Variants in FYN observed in about 807,000 individuals in gnomAD.
FYN encodes FYN proto-oncogene, Src family tyrosine kinase.
A neutral mutation model predicts 70.2 loss-of-function variants in FYN; 10 were observed. That is an observed-to-expected ratio of 0.14 (90% CI 0.09 to 0.24). FYN has a LOEUF of 0.24. Ranked by LOEUF, FYN falls within the 10% of genes least tolerant of loss-of-function variation. The probability of loss-of-function intolerance (pLI) is 1.00; values close to 1 mark genes in which losing one functional copy is unlikely to be tolerated. For synonymous variants in FYN, 236 were observed against 248.6 expected, an observed-to-expected ratio of 0.95 and a Z score of 0.48; for missense variants, 319 against 673.1, an observed-to-expected ratio of 0.47 and a Z score of 5.82.
intron 4 of FYN, among the ~76,000 whole-genome samples, chr6:111,717,598 A>G (rs1800718783): frequency 6.6e-6 from 1 of 151,964 alleles, no homozygotes; most frequent in Non-Finnish European, 1.5e-5. Flanking sequence ...AGTAGCTGGG[A>G]TTACAGGCGC....
intron 2 of FYN, among the ~76,000 whole-genome samples, chr6:111,820,330 T>C (rs1772618552): frequency 6.6e-6 from 1 of 152,206 alleles, no homozygotes; most frequent in South Asian, 2.1e-4. Flanking sequence ...CTTAGTGAGA[T>C]GCCAAAATAC....
At chr6:111,730,163 T>A (rs1205473944) in intron 3 of FYN, among the ~76,000 whole-genome samples, 1 of 152,142 alleles carries the variant, frequency 6.6e-6, no homozygotes, top group Admixed American at 6.5e-5. Flanking sequence ...TAATCTGTGC[T>A]GGAAAGTAAG....
chr6:111,757,968 AC>A (rs1802815978), intron 3 of FYN, among the ~76,000 whole-genome samples: 1 of 152,172 alleles, frequency 6.6e-6, no homozygotes, highest in Non-Finnish European at 1.5e-5. Context: ...TAATGAAGTG[AC>A]AAAAAAAATG....
intron 2 of FYN, among the ~76,000 whole-genome samples, chr6:111,804,800 C>T (rs532719031): frequency 1.1e-4 from 16 of 152,290 alleles, no homozygotes; most frequent in African/African-American, 3.1e-4. Flanking sequence ...GAATCTGCTA[C>T]GTCAGCACCA....
At chr6:111,702,547 C>T (rs538414629) in intron 8 of FYN, 8 of 192,752 alleles carry the variant, frequency 4.2e-5, no homozygotes, top group South Asian at 1.7e-4. Flanking sequence ...AAGCGCCCTC[C>T]GAGAGACTGC....
chr6:111,712,360 C>A (rs1800421348), intron 5 of FYN, among the ~76,000 whole-genome samples: 1 of 152,208 alleles, frequency 6.6e-6, no homozygotes, highest in South Asian at 2.1e-4. Flanking sequence ...TGGACTCCAA[C>A]AAGCAGCAAA....
intron 13 of FYN, among the ~76,000 whole-genome samples, chr6:111,662,665 C>T (rs969968842): frequency 6.6e-6 from 1 of 152,110 alleles, no homozygotes; most frequent in Non-Finnish European, 1.5e-5. Flanking sequence ...GCATGCTGCC[C>T]CTTGTTTATA....
chr6:111,662,458 A>C (rs1329428957), intron 13 of FYN, among the ~76,000 whole-genome samples: 1 of 152,168 alleles, frequency 6.6e-6, no homozygotes, highest in Non-Finnish European at 1.5e-5. Context: ...AACGTACAAA[A>C]CAAACACAGG....
chr6:111,700,192 G>A lies in FYN; in HGVS notation c.774C>T (p.Val258=). Reference sequence around the variant, plus strand: ...GGATTTCCCAGACATCTTTGGTTTTGACAGACAGATCGGTAAGCCTTGGCA... The same window carrying A: ...GGATTTCCCAGACATCTTTGGTTTTAACAGACAGATCGGTAAGCCTTGGCA... The part of the protein sequence containing the change: ...KGMPRLTDLS[V]KTKDVWEIPR... The change falls in exon 9 of 14, where the codon GTC becomes GTT. Residue 258 remains valine, a synonymous_variant. Transcript: ENST00000354650. 6.2e-7 allele frequency: 1 copy of A among 1,614,062 alleles called. No individual in the cohort carries two copies. The highest frequency in any genetic ancestry group is 8.5e-7 in the Non-Finnish European group (1 of 1,179,990).
intron 13 of FYN, among the ~76,000 whole-genome samples, chr6:111,666,402 C>G (rs962584964): frequency 6.6e-6 from 1 of 152,130 alleles, no homozygotes; most frequent in Non-Finnish European, 1.5e-5. Context: ...CCAGCAAGCA[C>G]AGAGGCCACT....
At chr6:111,764,328 G>A (rs1420172067) in intron 3 of FYN, among the ~76,000 whole-genome samples, 1 of 151,942 alleles carries the variant, frequency 6.6e-6, no homozygotes, top group African/African-American at 2.4e-5. Flanking sequence ...AGTGATACTG[G>A]GGTTACTGGT....
intron 2 of FYN, among the ~76,000 whole-genome samples, chr6:111,794,544 C>T (rs538177402): frequency 2.4e-4 from 36 of 152,280 alleles, no homozygotes; most frequent in African/African-American, 7.9e-4. Flanking sequence ...CCCCAGCCTG[C>T]GGATCAGATC....
Position 111,789,481 on chromosome 6 carries a change from C to A in FYN, c.-81-8846G>T, listed in dbSNP as rs1740375. Reference sequence around the variant, plus strand: ...ATTTCATATTATTATTACTATATTTCAACGTTAAGGCCATGAGTACCCAGT... The same window carrying A: ...ATTTCATATTATTATTACTATATTTAAACGTTAAGGCCATGAGTACCCAGT... On this transcript the variant is annotated intron_variant, in intron 2 of 13. Transcript: ENST00000354650. 3.0e-3 allele frequency among the ~76,000 whole-genome samples: 460 copies of A among 152,202 alleles called. 3 individuals are homozygous for A. The highest frequency in any genetic ancestry group is 0.011 in the African/African-American group (442 of 41,518).
chr6:111,831,192 T>TGC (rs1773006477), intron 2 of FYN, among the ~76,000 whole-genome samples: 1 of 152,144 alleles, frequency 6.6e-6, no homozygotes. Context: ...ATGGAAAGTT[T>TGC]CTCTCCTATC....
chr6:111,697,549 A>T (rs548350079), intron 9 of FYN, among the ~76,000 whole-genome samples: 3 of 152,208 alleles, frequency 2.0e-5, no homozygotes, highest in Non-Finnish European at 4.4e-5. Flanking sequence ...CAAAATATAA[A>T]TTATGAAAAA....
At chr6:111,720,578 T>C (rs1382957279) in intron 3 of FYN, among the ~76,000 whole-genome samples, 1 of 152,168 alleles carries the variant, frequency 6.6e-6, no homozygotes, top group East Asian at 1.9e-4. Context: ...GTACCACATC[T>C]TCAGGCACAA....
intron 2 of FYN, among the ~76,000 whole-genome samples, chr6:111,840,971 A>G (rs931437614): frequency 6.6e-6 from 1 of 152,234 alleles, no homozygotes; most frequent in Non-Finnish European, 1.5e-5. Flanking sequence ...GGTACAAAGT[A>G]TGTAGGTGAG....
intron 2 of FYN, among the ~76,000 whole-genome samples, chr6:111,846,016 G>A (rs73531918): frequency 0.013 from 2,039 of 152,290 alleles, 37 homozygotes; most frequent in African/African-American, 0.047. Context: ...CATTACCTGA[G>A]TACTTGTCAG....
intron 2 of FYN, among the ~76,000 whole-genome samples, chr6:111,795,841 C>T (rs1440888477): frequency 6.6e-6 from 1 of 152,164 alleles, no homozygotes; most frequent in Admixed American, 6.5e-5. Context: ...AGATCTGACT[C>T]CAAAGCTTAT....
Sources: allele counts gnomAD v4.1 joint callset (sites outside exome capture counted in the v4.1 genomes callset), GRCh38; gene constraint gnomAD v4.1.1; transcripts MANE v1.5; gene names NCBI Gene and HGNC (gene_info 2026-07-23, HGNC 2026-07-21).